The following YAE1 variants were observed in gnomAD, a reference collection of about 807,000 sequenced individuals.
YAE1 encodes YAE1 maturation factor of ABCE1.
Under a neutral mutation model 23.0 loss-of-function variants are expected in YAE1, and 22 were observed. The observed-to-expected ratio is 0.96, with a 90% CI of 0.68 to 1.37. The LOEUF (loss-of-function observed/expected upper bound fraction) is 1.37. Ranked by LOEUF, YAE1 falls within the 40% of genes most tolerant of loss-of-function variation. The pLI, the probability that YAE1 is intolerant of heterozygous loss-of-function variation, is 0.00. For missense variants in YAE1, 260 were observed against 262.1 expected, an observed-to-expected ratio of 0.99 and a Z score of 0.06; for synonymous variants, 101 against 97.0, an observed-to-expected ratio of 1.04 and a Z score of -0.24.
chr7:39,610,594 C>T (rs1562599332), downstream of YAE1, among the ~76,000 whole-genome samples: 1 of 152,154 alleles, frequency 6.6e-6, no homozygotes, highest in Non-Finnish European at 1.5e-5. Flanking sequence ...TTTCCCCAAG[C>T]ACAGTTCTGT....
intron 2 of YAE1, among the ~76,000 whole-genome samples, chr7:39,606,607 C>T (rs1027760151): frequency 1.3e-5 from 2 of 152,160 alleles, no homozygotes; most frequent in East Asian, 3.9e-4. Context: ...AGATAACATT[C>T]CAGTTGCTAT....
intron 2 of YAE1, among the ~76,000 whole-genome samples, chr7:39,589,023 T>C (rs1790862829): frequency 6.6e-6 from 1 of 152,056 alleles, no homozygotes; most frequent in African/African-American, 2.4e-5. Flanking sequence ...GGTTTTGCCA[T>C]GTTAGCCAGG....
chr7:39,585,858 CT>C (rs1790807162), intron 2 of YAE1, among the ~76,000 whole-genome samples: 1 of 152,178 alleles, frequency 6.6e-6, no homozygotes, highest in African/African-American at 2.4e-5. Context: ...AATCCCAACA[CT>C]TTGGGAGGCC....
chr7:39,588,594 T>C (rs1790856461), intron 2 of YAE1, among the ~76,000 whole-genome samples: 1 of 152,050 alleles, frequency 6.6e-6, no homozygotes, highest in Admixed American at 6.6e-5. Context: ...ACAGTGTTTC[T>C]TTCCTAATAA....
rs183794749 is a variant in YAE1, at chr7:39,579,434, C to T, written c.251+8807C>T. On this transcript the variant is annotated intron_variant, in intron 2 of 2. Transcript: ENST00000432096. ...TAATTTCTATTTTTCTATGAGAGGC[C>T]GAGGTGGACAGGTCACTTGAGGTCA... Among the ~76,000 whole-genome samples, 36 of 152,188 alleles carry T rather than the reference C, an allele frequency of 2.4e-4. No individual in the cohort carries two copies. In the East Asian group the frequency reaches 5.8e-3, roughly 24 times the overall value.
intron 2 of YAE1, among the ~76,000 whole-genome samples, chr7:39,605,509 A>T (rs1791117170): frequency 6.6e-6 from 1 of 152,304 alleles, no homozygotes; most frequent in Middle Eastern, 3.4e-3. Context: ...TTGAACTGGG[A>T]CATTAATCTT....
intron 2 of YAE1, among the ~76,000 whole-genome samples, chr7:39,593,177 C>CTTTTTGTTTTTTTTTTT (rs1790925117): frequency 2.8e-5 from 2 of 72,110 alleles, no homozygotes; most frequent in Admixed American, 2.6e-4. Context: ...TTGGTTATTT[C>CTTTTTGTTTTTTTTTTT]TTTTTTTTTT....
intron 2 of YAE1, 37 bp downstream of exon 2, chr7:39,570,664 C>G (rs751026060): frequency 1.6e-5 from 25 of 1,562,804 alleles, no homozygotes; most frequent in Non-Finnish European, 1.2e-5. Flanking sequence ...TCATTTTAAC[C>G]TCAATACTAC....
rs1230779565 is a variant in YAE1 at position 39,572,326 on chromosome 7, A to G, written c.301A>G (p.Asn101Asp). 6.2e-7 allele frequency: 1 copy of G among 1,613,812 alleles called. No individual in the cohort carries two copies. The highest frequency in any genetic ancestry group is 1.3e-5 in the African/African-American group (1 of 74,916). ...HLHNNNSTLINKINNLLDAVG... is the reference protein window; with the variant it reads ...HLHNNNSTLIDKINNLLDAVG... ...TCATAATAATAATTCAACTTTGATC[A>G]ATAAAATAAACAATCTTCTGGATGC... Residue 101 changes from asparagine (N) to aspartate (D), a missense_variant, in exon 3 of 3, where the codon AAT becomes GAT. Physicochemically the swap from Asn to Asp is conservative, Grantham distance 23. Coordinates refer to ENST00000223273, the MANE Select transcript of YAE1 (RefSeq NM_020192.5).
chr7:39,573,208 T>A (rs1312879939), downstream of YAE1, among the ~76,000 whole-genome samples: 2 of 152,198 alleles, frequency 1.3e-5, no homozygotes, highest in Non-Finnish European at 2.9e-5. Context: ...GTTTATGCTG[T>A]TGATTAAATG....
intron 2 of YAE1, 148 bp downstream of exon 2, chr7:39,570,775 C>A: frequency 1.0e-6 from 1 of 985,606 alleles, no homozygotes; most frequent in Non-Finnish European, 1.4e-6. Context: ...ATATTGCCTT[C>A]AAAAAGTCAA....
chr7:39,599,982 A>G (rs1279139012), intron 2 of YAE1, among the ~76,000 whole-genome samples: 1 of 152,184 alleles, frequency 6.6e-6, no homozygotes, highest in Admixed American at 6.5e-5. Context: ...GTTTTTAGGT[A>G]TTCTGCCATG....
At chr7:39,608,336 G>C (rs1405147787) in intron 2 of YAE1, among the ~76,000 whole-genome samples, 1 of 152,178 alleles carries the variant, frequency 6.6e-6, no homozygotes, top group Admixed American at 6.5e-5. Context: ...CAAAGTTCTT[G>C]GGAATACACA....
intron 2 of YAE1, among the ~76,000 whole-genome samples, chr7:39,580,546 C>T (rs1035780586): frequency 6.6e-6 from 1 of 152,192 alleles, no homozygotes; most frequent in Non-Finnish European, 1.5e-5. Context: ...GGCCTTGGAC[C>T]TTTGGATCCT....
chr7:39,570,690 T>C, intron 2 of YAE1, 63 bp downstream of exon 2: 4 of 1,524,956 alleles, frequency 2.6e-6, no homozygotes, highest in Admixed American at 2.4e-5. Flanking sequence ...GATGTTTCTG[T>C]ATAAATAAAG....
At chr7:39,591,290 A>C (rs1369915097) in intron 2 of YAE1, among the ~76,000 whole-genome samples, 2 of 152,214 alleles carry the variant, frequency 1.3e-5, no homozygotes, top group Non-Finnish European at 1.5e-5. Context: ...ACACCTATCA[A>C]ATAAACCACC....
intron 2 of YAE1, among the ~76,000 whole-genome samples, chr7:39,582,958 A>G (rs1790766393): frequency 1.3e-5 from 2 of 152,348 alleles, no homozygotes; most frequent in South Asian, 4.1e-4. Flanking sequence ...AATCAAAGCC[A>G]TTTATATACA....
chr7:39,584,011 G>A (rs1790780049), intron 2 of YAE1, among the ~76,000 whole-genome samples: 1 of 152,108 alleles, frequency 6.6e-6, no homozygotes, highest in African/African-American at 2.4e-5. Flanking sequence ...GTAAGAATTT[G>A]AATAAGCTGC....
intron 2 of YAE1, among the ~76,000 whole-genome samples, chr7:39,578,003 A>C (rs571225847): frequency 6.6e-6 from 1 of 152,068 alleles, no homozygotes; most frequent in South Asian, 2.1e-4. Flanking sequence ...GGACTTGGAG[A>C]ACCTTTATGT....
Sources: gnomAD v4.1 joint callset for allele counts (sites outside exome capture counted in the v4.1 genomes callset) on GRCh38, gnomAD v4.1.1 for gene constraint, MANE v1.5 for transcripts, NCBI Gene and HGNC (gene_info 2026-07-23, HGNC 2026-07-21) for gene names.